Variants in EMC9 observed in about 807,000 individuals in gnomAD.
EMC9 encodes UPF0172 protein FAM158A.
A neutral mutation model predicts 25.0 loss-of-function variants in EMC9; 20 were observed. The observed-to-expected ratio is 0.80, with a 90% CI of 0.56 to 1.16. EMC9 has a LOEUF of 1.16. EMC9 is among the 50% of genes most tolerant of loss of function. EMC9 has a pLI of 0.00. For synonymous variants in EMC9, 100 were observed against 107.0 expected, an observed-to-expected ratio of 0.93 and a Z score of 0.40; for missense variants, 256 against 268.7, an observed-to-expected ratio of 0.95 and a Z score of 0.33.
rs776324820 is a variant in EMC9, at chr14:24,139,472, G to A, written c.346-18C>T. 2 of 1,613,930 alleles carry A rather than the reference G, an allele frequency of 1.2e-6. No individual in the cohort carries two copies. Among genetic ancestry groups the A allele is most frequent in the East Asian group, 4.5e-5 (2 of 44,882 alleles). ...TTATCCAACTGAGTGGACAAAGATG[G>A]GCAAGTGAGAGTTTCAAGGGTCCCC... On this transcript the variant is annotated intron_variant, in intron 4 of 5. Coordinates refer to ENST00000216799, the MANE Select transcript of EMC9 (RefSeq NM_016049.4). This position sits in a 1 kb window ranked among gnomAD's most constrained non-coding sequence, Gnocchi z 4.6.
rs1006294303 is a variant in EMC9, at chr14:24,139,745, C to G, written c.276-131G>C. 1.3e-6 allele frequency: 2 copies of G among 1,547,048 alleles called. No homozygotes were observed. Among genetic ancestry groups the G allele is most frequent in the Non-Finnish European group, 1.7e-6 (2 of 1,144,732 alleles). ...TTCCCTGTAGGTGGCCTGCGGGGAT[C>G]GGGCCTGCTGGATGCTTGATGCACG... On this transcript the variant is annotated intron_variant, in intron 3 of 5. Coordinates refer to ENST00000216799, the MANE Select transcript of EMC9 (RefSeq NM_016049.4). This position sits in a 1 kb window ranked among gnomAD's most constrained non-coding sequence, Gnocchi z 4.6.
Position 24,141,141 on chromosome 14 carries a change from G to A in EMC9, c.164C>T (p.Ala55Val), listed in dbSNP as rs377008314. ...GGCGACCTCCAACATGACGGACAGGGCCAGGTGGCTGTGGAAGAGGGGCAC... is the reference window on the plus strand; with the variant it reads ...GGCGACCTCCAACATGACGGACAGGACCAGGTGGCTGTGGAAGAGGGGCAC... ...DCVPLFHSHL[A>V]LSVMLEVALN... The change falls in exon 2 of 6, where the codon GCC (alanine) becomes GTC (valine). Residue 55 changes from alanine to valine, a missense_variant. Transcript: ENST00000216799. 6.8e-6 allele frequency: 11 copies of A among 1,613,970 alleles called. No individual in the cohort carries two copies. In the African/African-American group the frequency reaches 8.0e-5, roughly 12 times the overall value.
At position 24,139,569 on chromosome 14, in the gene EMC9, G is replaced by A. The variant is rs758239339; in HGVS notation, c.321C>T (p.Phe107=). The A allele has an allele frequency of 1.2e-6, 2 of 1,614,116 alleles. No individual in the cohort carries two copies. Among genetic ancestry groups the A allele is most frequent in the Non-Finnish European group, 1.7e-6 (2 of 1,180,010 alleles). The change falls in exon 4 of 6, where the codon TTC becomes TTT. Residue 107 remains phenylalanine, a synonymous_variant. Coordinates refer to ENST00000216799, the MANE Select transcript of EMC9 (RefSeq NM_016049.4). This position sits in a 1 kb window ranked among gnomAD's most constrained non-coding sequence, Gnocchi z 4.6. ...CCATAATAAGTACTGCATCAGGGAAGAATTCTGCAATTCGCCCAGCAATTT... is the reference window on the plus strand; with the variant it reads ...CCATAATAAGTACTGCATCAGGGAAAAATTCTGCAATTCGCCCAGCAATTT... ...ALKIAGRIAE[F]FPDAVLIMLD...
rs1420107049 is a variant in EMC9 at position 24,139,636 on chromosome 14, G to A, written c.276-22C>T. The A allele has an allele frequency of 1.9e-6, 3 of 1,611,450 alleles. No homozygotes were observed. Among genetic ancestry groups the A allele is most frequent in the Non-Finnish European group, 2.5e-6 (3 of 1,178,692 alleles). ...AGGGCTGTGTAGAGGGAAGATCAGA[G>A]GAGTGAGGAGCCAACTGTGGGCAAA... On this transcript the variant is annotated intron_variant, in intron 3 of 5. Transcript: ENST00000216799. The surrounding 1 kb of genome is among the most constrained non-coding windows in gnomAD (Gnocchi z 4.6).
Position 24,139,262 on chromosome 14 carries a change from A to G in EMC9, c.441-66T>C. The G allele has an allele frequency of 1.9e-6, 3 of 1,601,660 alleles. No individual in the cohort carries two copies. Among genetic ancestry groups the G allele is most frequent in the Non-Finnish European group, 2.6e-6 (3 of 1,170,840 alleles). On this transcript the variant is annotated intron_variant, in intron 5 of 5. Transcript: ENST00000216799. This position sits in a 1 kb window ranked among gnomAD's most constrained non-coding sequence, Gnocchi z 4.6. ...GGGTCCAGACACAGACTTAACAGAG[A>G]TTGGGTCTAGAGAAAGACCCTTGGG...
At position 24,139,067 on chromosome 14, in the gene EMC9, C is replaced by T. The variant is rs2037979687; in HGVS notation, c.570G>A (p.Arg190=). ...DDIRQDWTNQ[R]LNTQITQWVG... is the part of the protein sequence containing the mutation. ...CCCACTGGGTGATTTGAGTGTTGAG[C>T]CGCTGGTTGGTCCAGTCCTGCCGGA... is the stretch of plus-strand genomic sequence containing the variant. Residue 190 remains arginine (R), a synonymous_variant, in exon 6 of 6, where the codon CGG becomes CGA. Coordinates refer to ENST00000216799, the MANE Select transcript of EMC9 (RefSeq NM_016049.4). This position sits in a 1 kb window ranked among gnomAD's most constrained non-coding sequence, Gnocchi z 4.6. The T allele has an allele frequency of 6.2e-7, 1 of 1,613,954 alleles. No homozygotes were observed. The highest frequency in any genetic ancestry group is 1.3e-5 in the African/African-American group (1 of 75,050).
rs1404390177 is a variant in EMC9, at chr14:24,139,124, G to C, written c.513C>G (p.His171Gln). The C allele has an allele frequency of 6.2e-7, 1 of 1,614,140 alleles. No homozygotes were observed. The highest frequency in any genetic ancestry group is 8.5e-7 in the Non-Finnish European group (1 of 1,180,022). The change falls in exon 6 of 6, where the codon CAC becomes CAG. Residue 171 changes from histidine to glutamine, a missense_variant. Transcript: ENST00000216799. This position sits in a 1 kb window ranked among gnomAD's most constrained non-coding sequence, Gnocchi z 4.6. ...CAAGGTGGCAGTCAAAGTCCACAAGGTGCTGGTGGGCCCGATCTTCCAGTA... is the reference window on the plus strand; with the variant it reads ...CAAGGTGGCAGTCAAAGTCCACAAGCTGCTGGTGGGCCCGATCTTCCAGTA... ...GALLEDRAHQHLVDFDCHLDD... is the reference protein window; with the variant it reads ...GALLEDRAHQQLVDFDCHLDD...
Position 24,141,380 on chromosome 14 carries a change from C to G in EMC9, c.-13+58G>C, listed in dbSNP as rs1566606784. ...GGCGAGCCGGTGCCTAGCTCGCGTC[C>G]GTGAAGCTCCCTCCAGCGCTTCGGC... is the stretch of plus-strand genomic sequence containing the variant. On this transcript the variant is annotated intron_variant, in intron 1 of 5. Transcript: ENST00000216799. 7 of 1,491,300 alleles carry G rather than the reference C, an allele frequency of 4.7e-6. No homozygotes were observed. The African/African-American group carries it at 6.9e-5, about 15-fold the overall frequency. The allele number at this position is 1,491,300 out of a possible 1,614,324, so 92.4% of individuals were successfully genotyped here. A position where few individuals can be genotyped will look rare whatever the true frequency, so the allele number is the denominator to read the frequency against.
rs577975099 is a variant in EMC9 at position 24,141,469 on chromosome 14, C to T, written c.-44G>A. On this transcript the variant is annotated 5_prime_UTR_variant, in exon 1 of 6. Transcript: ENST00000216799. ...TCGGCGACAACGCTAACTCGACTCG[C>T]AGGTAGCCCGCCGGCTCCCGGCGCC... The T allele has an allele frequency of 5.2e-6, 4 of 763,434 alleles. No individual in the cohort carries two copies. In the African/African-American group the frequency reaches 7.0e-5, roughly 13 times the overall value. The allele number at this position is 763,434 out of a possible 1,614,324, so 47.3% of individuals were successfully genotyped here. A position where few individuals can be genotyped will look rare whatever the true frequency, so the allele number is the denominator to read the frequency against.
At chr14:24,140,760 A>G in intron 3 of EMC9, 129 bp downstream of exon 3, 1 of 979,014 alleles carries the variant, frequency 1.0e-6, no homozygotes, top group Non-Finnish European at 1.5e-6. Flanking sequence ...AAGGAAAGAT[A>G]AAAGGAACGA....
At chr14:24,140,843 CA>C (rs1271047175) in intron 3 of EMC9, 45 bp downstream of exon 3, 4 of 1,607,928 alleles carry the variant, frequency 2.5e-6, no homozygotes, top group Middle Eastern at 1.7e-4. Context: ...CTCCAATCCC[CA>C]ACCCGCCATA....
At position 24,141,295 on chromosome 14, in the gene EMC9, C is replaced by A; in HGVS notation, c.10G>T (p.Val4Leu). The change falls in exon 2 of 6, where the codon GTG becomes TTG. Residue 4 changes from valine to leucine, a missense_variant. Physicochemically the swap from Val to Leu is conservative, Grantham distance 32 (BLOSUM62 1). Coordinates refer to ENST00000216799, the MANE Select transcript of EMC9 (RefSeq NM_016049.4). MGE[V>L]EISALAYVKM... ...ACGTAGGCCAGGGCCGAGATCTCCA[C>A]CTCCCCCATGGCGAGCGAGGCCTGG... 1 of 1,614,102 alleles carries A rather than the reference C, an allele frequency of 6.2e-7. No homozygotes were observed. The highest frequency in any genetic ancestry group is 8.5e-7 in the Non-Finnish European group (1 of 1,180,026).
Position 24,141,377 on chromosome 14 carries a change from G to C in EMC9, c.-13+61C>G. The C allele has an allele frequency of 3.3e-6, 5 of 1,511,598 alleles. No homozygotes were observed. In the South Asian group the frequency reaches 5.6e-5, roughly 17 times the overall value. The allele number at this position is 1,511,598 out of a possible 1,614,324, so 93.6% of individuals were successfully genotyped here. On this transcript the variant is annotated intron_variant, in intron 1 of 5. Coordinates refer to ENST00000216799, the MANE Select transcript of EMC9 (RefSeq NM_016049.4). Reference sequence around the variant, plus strand: ...TTAGGCGAGCCGGTGCCTAGCTCGCGTCCGTGAAGCTCCCTCCAGCGCTTC... The same window carrying C: ...TTAGGCGAGCCGGTGCCTAGCTCGCCTCCGTGAAGCTCCCTCCAGCGCTTC...
At chr14:24,140,811 CACG>C in intron 3 of EMC9, 75 bp downstream of exon 3, 1 of 1,485,706 alleles carries the variant, frequency 6.7e-7, no homozygotes, top group Non-Finnish European at 9.3e-7. Flanking sequence ...CCCACCGCCC[CACG>C]CATCCTCGCC....
intron 3 of EMC9, 85 bp downstream of exon 3, chr14:24,140,804 A>ACCCCC: frequency 1.5e-6 from 1 of 659,430 alleles, no homozygotes; most frequent in Non-Finnish European, 2.5e-6. Flanking sequence ...CGCCCCGCCC[A>ACCCCC]CCGCCCCACG....
Position 24,139,403 on chromosome 14 carries a change from G to A in EMC9, c.397C>T (p.Leu133=). The stretch of plus-strand genomic sequence containing the variant: ...ACCCAGCGGAGACCTTGGTTCTCCA[G>A]GACGATGACCGGGGGCACACGAGGC... ...PQPRVPPVIV[L]ENQGLRWVPK... Residue 133 remains leucine (L), a synonymous_variant, in exon 5 of 6, where the codon CTG becomes TTG. Coordinates refer to ENST00000216799, the MANE Select transcript of EMC9 (RefSeq NM_016049.4). This position sits in a 1 kb window ranked among gnomAD's most constrained non-coding sequence, Gnocchi z 4.6. 6.2e-7 allele frequency: 1 copy of A among 1,614,178 alleles called. No homozygotes were observed. Among genetic ancestry groups the A allele is most frequent in the East Asian group, 2.2e-5 (1 of 44,884 alleles).
rs1370362290 is a variant in EMC9 at position 24,141,296 on chromosome 14, C to A, written c.9G>T (p.Glu3Asp). 6.2e-7 allele frequency: 1 copy of A among 1,614,082 alleles called. No homozygotes were observed. Among genetic ancestry groups the A allele is most frequent in the Admixed American group, 1.7e-5 (1 of 60,032 alleles). MGEVEISALAYVK... is the reference protein window; with the variant it reads MGDVEISALAYVK... ...CGTAGGCCAGGGCCGAGATCTCCAC[C>A]TCCCCCATGGCGAGCGAGGCCTGGA... Residue 3 changes from glutamate (E) to aspartate (D), a missense_variant, in exon 2 of 6, where the codon GAG (glutamate) becomes GAT (aspartate). Glu to Asp is a conservative substitution (Grantham distance 45, BLOSUM62 2). Coordinates refer to ENST00000216799, the MANE Select transcript of EMC9 (RefSeq NM_016049.4).
Position 24,139,318 on chromosome 14 carries a change from C to A in EMC9, c.440+42G>T. On this transcript the variant is annotated intron_variant, in intron 5 of 5. Transcript: ENST00000216799. The surrounding 1 kb of genome is among the most constrained non-coding windows in gnomAD (Gnocchi z 4.6). ...GCCAAGGACAGAGGAGACCCAGGAG[C>A]CTTGGGCTTCTAAGAAGAGGTAGAG... 1 of 1,607,752 alleles carries A rather than the reference C, an allele frequency of 6.2e-7. No homozygotes were observed. The highest frequency in any genetic ancestry group is 8.5e-7 in the Non-Finnish European group (1 of 1,175,980).
intron 3 of EMC9, 26 bp downstream of exon 3, chr14:24,140,863 C>T (rs2038040552): frequency 6.2e-7 from 1 of 1,613,854 alleles, no homozygotes; most frequent in East Asian, 2.2e-5. Context: ...TAATCCTTTC[C>T]TTCTTCCTCT....
Sources: gnomAD v4.1 joint callset for allele counts on GRCh38, gnomAD v4.1.1 for gene constraint, Gnocchi (gnomAD v3.1) non-coding constraint, MANE v1.5 for transcripts, NCBI Gene and HGNC (gene_info 2026-07-23, HGNC 2026-07-21) for gene names.